Variants in PPP3CC observed in about 807,000 individuals in gnomAD.
The protein encoded by PPP3CC is protein phosphatase 3 catalytic subunit gamma.
PPP3CC carries 35 observed loss-of-function variants against 60.3 expected under a neutral mutation model. The ratio of observed to expected loss-of-function variants is 0.58; its 90% confidence interval spans 0.44 to 0.77. The LOEUF (loss-of-function observed/expected upper bound fraction) is 0.77. PPP3CC is among the 30% of genes least tolerant of loss of function. The pLI is 0.00. For synonymous variants in PPP3CC, 206 were observed against 224.3 expected (o/e 0.92, Z 0.73); for missense variants, 570 against 628.9 (o/e 0.91, Z 1.00).
intron 13 of PPP3CC, among the ~76,000 whole-genome samples, chr8:22,540,220 A>AC (rs1839929815): frequency 6.6e-6 from 1 of 151,972 alleles, no homozygotes; most frequent in Non-Finnish European, 1.5e-5. Flanking sequence ...AAAAGCAACT[A>AC]CCCTGGGTTT....
intron 3 of PPP3CC, among the ~76,000 whole-genome samples, chr8:22,483,253 C>T (rs557832883): frequency 6.6e-6 from 1 of 152,188 alleles, no homozygotes; most frequent in African/African-American, 2.4e-5. Flanking sequence ...TTGGGAAGAC[C>T]ACATGTCATT....
intron 3 of PPP3CC, among the ~76,000 whole-genome samples, chr8:22,488,733 A>T (rs1261695159): frequency 2.0e-5 from 3 of 152,224 alleles, no homozygotes; most frequent in Non-Finnish European, 4.4e-5. Context: ...ACTTAGATGG[A>T]GTGATCAGGG....
intron 3 of PPP3CC, among the ~76,000 whole-genome samples, chr8:22,489,718 T>C (rs562278062): frequency 1.4e-5 from 2 of 140,980 alleles, no homozygotes; most frequent in African/African-American, 5.2e-5. Context: ...TATAAGTATA[T>C]ATTATATATT....
chr8:22,496,485 CTTTTTTTTTTTTTTTT>C (rs71206523), intron 3 of PPP3CC, among the ~76,000 whole-genome samples: 4 of 43,562 alleles, frequency 9.2e-5, no homozygotes, highest in African/African-American at 1.8e-4. Context: ...GAACTGTAAT[CTTTTTTTTTTTTTTTT>C]TTTTTTTTTT....
chr8:22,469,457 A>T lies in PPP3CC; in HGVS notation c.50-5497A>T, dbSNP rs1359013234. ...GGATGACTATACCTAACAAAAATGTATTGTACCTGGTGATGAACATCCTGA... is the reference window on the plus strand; with the variant it reads ...GGATGACTATACCTAACAAAAATGTTTTGTACCTGGTGATGAACATCCTGA... On this transcript the variant is annotated intron_variant, in intron 1 of 13. Transcript: ENST00000240139. Among the ~76,000 whole-genome samples, 3 of 152,242 alleles carry T rather than the reference A, an allele frequency of 2.0e-5. No individual in the cohort carries two copies. In the South Asian group the frequency reaches 6.2e-4, roughly 32 times the overall value.
At chr8:22,474,235 G>A (rs958399196) in intron 1 of PPP3CC, among the ~76,000 whole-genome samples, 1 of 152,084 alleles carries the variant, frequency 6.6e-6, no homozygotes, top group African/African-American at 2.4e-5. Context: ...CAGTTCTATA[G>A]GAGAAATAAA....
chr8:22,515,267 T>G (rs1030556896), intron 6 of PPP3CC, among the ~76,000 whole-genome samples: 2 of 152,222 alleles, frequency 1.3e-5, no homozygotes, highest in Non-Finnish European at 2.9e-5. Context: ...CATAATGACC[T>G]CCAGTTCCAT....
At chr8:22,498,324 C>A (rs893143483) in intron 4 of PPP3CC, among the ~76,000 whole-genome samples, 1 of 151,864 alleles carries the variant, frequency 6.6e-6, no homozygotes, top group African/African-American at 2.4e-5. Context: ...ATAAATAATT[C>A]GGGATATTTG....
intron 10 of PPP3CC, chr8:22,531,255 A>G: frequency 6.7e-7 from 1 of 1,489,760 alleles, no homozygotes; most frequent in Non-Finnish European, 9.0e-7. Flanking sequence ...CTCTTCTCAT[A>G]TTTCTGTCTT....
At chr8:22,488,854 C>T (rs999713698) in intron 3 of PPP3CC, among the ~76,000 whole-genome samples, 15 of 152,166 alleles carry the variant, frequency 9.9e-5, no homozygotes, top group African/African-American at 3.6e-4. Context: ...TAAAAGCTTA[C>T]AGGCAGAAGC....
At chr8:22,447,207 T>A (rs1836854433) in intron 1 of PPP3CC, among the ~76,000 whole-genome samples, 1 of 106,064 alleles carries the variant, frequency 9.4e-6, no homozygotes, top group African/African-American at 3.2e-5. Flanking sequence ...TGTGACAGAG[T>A]CTCGCTCTGT....
chr8:22,488,418 C>T (rs191380261), intron 3 of PPP3CC, among the ~76,000 whole-genome samples: 2 of 152,180 alleles, frequency 1.3e-5, no homozygotes, highest in Non-Finnish European at 2.9e-5. Flanking sequence ...TAGATGCACT[C>T]ATAATTACGT....
Position 22,450,957 on chromosome 8 carries a change from C to T in PPP3CC, c.49+9499C>T, listed in dbSNP as rs1359205703. Among the ~76,000 whole-genome samples, 56 of 150,690 alleles carry T rather than the reference C, an allele frequency of 3.7e-4. 1 individual carries two copies. On this transcript the variant is annotated intron_variant, in intron 1 of 13. Coordinates refer to ENST00000240139, the MANE Select transcript of PPP3CC (RefSeq NM_005605.5). ...TCACGCCATTCTCCTGCCTCAGCCT[C>T]CTGAGTAGCTGGGACTACAGCCACG...
chr8:22,499,332 G>T (rs1273840582), intron 4 of PPP3CC, among the ~76,000 whole-genome samples: 1 of 150,470 alleles, frequency 6.6e-6, no homozygotes, highest in South Asian at 2.1e-4. Flanking sequence ...CCAGCTACTC[G>T]GGAGGCTGAG....
chr8:22,443,273 A>G (rs1236526622), intron 1 of PPP3CC, among the ~76,000 whole-genome samples: 1 of 152,202 alleles, frequency 6.6e-6, no homozygotes, highest in African/African-American at 2.4e-5. Context: ...CTGTAACCCC[A>G]GCACTTTGGA....
At chr8:22,536,513 T>G (rs543303719) in intron 12 of PPP3CC, among the ~76,000 whole-genome samples, 37 of 152,378 alleles carry the variant, frequency 2.4e-4, no homozygotes, top group African/African-American at 8.7e-4. Flanking sequence ...AATTTGTTTC[T>G]AATTCTTGGT....
chr8:22,539,843 T>C (rs938238769), intron 13 of PPP3CC, among the ~76,000 whole-genome samples: 3 of 152,212 alleles, frequency 2.0e-5, no homozygotes, highest in Non-Finnish European at 2.9e-5. Context: ...GAGAGCCAAA[T>C]AGGTCAGCCT....
chr8:22,477,835 ATATTTATT>A (rs373116798), intron 3 of PPP3CC, among the ~76,000 whole-genome samples: 6 of 151,366 alleles, frequency 4.0e-5, no homozygotes, highest in Admixed American at 2.0e-4. Flanking sequence ...AACTTTTAAA[ATATTTATT>A]TATTTATTTA....
At chr8:22,529,096 T>G (rs1236143844) in intron 10 of PPP3CC, among the ~76,000 whole-genome samples, 1 of 152,242 alleles carries the variant, frequency 6.6e-6, no homozygotes, top group African/African-American at 2.4e-5. Context: ...ATAAGCTTAT[T>G]TGCTAGTGTA....
Sources: gnomAD v4.1 joint callset for allele counts (sites outside exome capture counted in the v4.1 genomes callset) on GRCh38, gnomAD v4.1.1 for gene constraint, MANE v1.5 for transcripts, NCBI Gene and HGNC (gene_info 2026-07-23, HGNC 2026-07-21) for gene names.